Variants in CNTN4 observed in about 807,000 individuals in gnomAD.
CNTN4 encodes contactin-4.
Under a neutral mutation model 122.5 loss-of-function variants are expected in CNTN4, and 77 were observed. The ratio of observed to expected loss-of-function variants is 0.63; its 90% CI spans 0.52 to 0.76. CNTN4 has a LOEUF of 0.76. Ranked by LOEUF, CNTN4 falls within the 30% of genes least tolerant of loss-of-function variation. The pLI, the probability that CNTN4 is intolerant of heterozygous loss-of-function variation, is 0.00. For synonymous variants in CNTN4, 512 were observed against 447.0 expected (o/e 1.15, Z -1.83); for missense variants, 1,256 against 1,259.1 (o/e 1.00, Z 0.04).
rs866475334 is a variant in CNTN4 at position 2,638,074 on chromosome 3, A to G, written c.55+66516A>G. Among the ~76,000 whole-genome samples the G allele has an allele frequency of 3.3e-5, 5 of 152,236 alleles. No homozygotes were observed. The South Asian group carries it at 8.3e-4, about 25-fold the overall frequency. On this transcript the variant is annotated intron_variant, in intron 4 of 24. Transcript: ENST00000418658. ...GAGTTACATGTATAAACTGCCAACC[A>G]CAGTGGTGGAATTTATAGGAATTTA...
At chr3:2,952,081 A>G (rs922305470) in intron 13 of CNTN4, among the ~76,000 whole-genome samples, 3 of 152,256 alleles carry the variant, frequency 2.0e-5, no homozygotes, top group Non-Finnish European at 2.9e-5. Flanking sequence ...AATTCTGGTG[A>G]AAAGTTCTGC....
At chr3:2,195,269 C>T (rs1467261432) in intron 2 of CNTN4, among the ~76,000 whole-genome samples, 1 of 152,212 alleles carries the variant, frequency 6.6e-6, no homozygotes, top group African/African-American at 2.4e-5. Context: ...TTTTTCATGT[C>T]TGAATAGTAT....
At chr3:2,230,833 C>G (rs2039457344) in intron 2 of CNTN4, among the ~76,000 whole-genome samples, 1 of 151,768 alleles carries the variant, frequency 6.6e-6, no homozygotes, top group East Asian at 2.0e-4. Context: ...AAAAAAATAC[C>G]AAAATTGGCT....
intron 4 of CNTN4, among the ~76,000 whole-genome samples, chr3:2,620,655 A>T (rs1272399663): frequency 6.6e-6 from 1 of 152,118 alleles, no homozygotes; most frequent in Non-Finnish European, 1.5e-5. Context: ...ATGCTTTCTA[A>T]TTGCTTGGCT....
intron 7 of CNTN4, among the ~76,000 whole-genome samples, chr3:2,820,558 A>G (rs1197357026): frequency 6.6e-6 from 1 of 152,096 alleles, no homozygotes; most frequent in Non-Finnish European, 1.5e-5. Context: ...CCCATCCCCA[A>G]GAGTGGGGAA....
chr3:2,395,023 G>A (rs535577349), intron 3 of CNTN4, among the ~76,000 whole-genome samples: 2 of 152,194 alleles, frequency 1.3e-5, no homozygotes, highest in South Asian at 4.1e-4. Flanking sequence ...CTGGCCTCAA[G>A]TCATCTGCCT....
intron 24 of CNTN4, among the ~76,000 whole-genome samples, 162 bp from the exon 25 acceptor site, chr3:3,055,958 T>C (rs1437161610): frequency 6.6e-6 from 1 of 152,230 alleles, no homozygotes; most frequent in Non-Finnish European, 1.5e-5. Context: ...CCCAGGTTTG[T>C]AGCTTGGTAG....
intron 13 of CNTN4, among the ~76,000 whole-genome samples, chr3:2,959,277 CAA>C (rs1487773548): frequency 6.6e-6 from 1 of 152,068 alleles, no homozygotes; most frequent in Non-Finnish European, 1.5e-5. Context: ...TATTTAAAAA[CAA>C]AGAGTCAGAT....
In CNTN4 at chr3:2,916,873, G is replaced by A. The variant is rs555291364; in HGVS notation, c.1208-8756G>A. ...CAGCCAGGCAGAGGTGGCGCTAGAC[G>A]TCTAGGTGGCACTTCCTAGACGGGG... On this transcript the variant is annotated intron_variant, in intron 12 of 24. Transcript: ENST00000418658. Among the ~76,000 whole-genome samples the A allele has an allele frequency of 2.3e-4, 35 of 150,970 alleles. No homozygotes were observed. In the East Asian group the frequency reaches 5.9e-3, roughly 26 times the overall value.
At chr3:2,366,877 T>A (rs1252994352) in intron 3 of CNTN4, among the ~76,000 whole-genome samples, 1 of 152,098 alleles carries the variant, frequency 6.6e-6, no homozygotes. Flanking sequence ...ACATAACTTT[T>A]AAGAGCTAAA....
At chr3:2,524,638 T>C (rs557938130) in intron 3 of CNTN4, among the ~76,000 whole-genome samples, 1 of 152,248 alleles carries the variant, frequency 6.6e-6, no homozygotes, top group East Asian at 1.9e-4. Context: ...AAAGGAACTA[T>C]CCCTCTTATT....
At chr3:2,252,300 G>A (rs2040408621) in intron 2 of CNTN4, among the ~76,000 whole-genome samples, 1 of 151,918 alleles carries the variant, frequency 6.6e-6, no homozygotes, top group South Asian at 2.1e-4. Context: ...TGGATCTTCA[G>A]CAAAACATTA....
intron 6 of CNTN4, among the ~76,000 whole-genome samples, chr3:2,788,396 T>C (rs2091907014): frequency 1.3e-5 from 2 of 152,228 alleles, no homozygotes; most frequent in Admixed American, 6.5e-5. Context: ...TATTACTTCA[T>C]ACTATCATGA....
At chr3:2,738,598 TAA>T (rs2089278708) in intron 5 of CNTN4, among the ~76,000 whole-genome samples, 1 of 151,912 alleles carries the variant, frequency 6.6e-6, no homozygotes, top group Non-Finnish European at 1.5e-5. Flanking sequence ...CACAGAACAA[TAA>T]AAATAATAAA....
chr3:2,428,871 C>T (rs1559544561), intron 3 of CNTN4, among the ~76,000 whole-genome samples: 1 of 152,186 alleles, frequency 6.6e-6, no homozygotes, highest in Non-Finnish European at 1.5e-5. Flanking sequence ...GAATCGGCTA[C>T]TGAAGCTTAT....
chr3:2,170,405 G>C (rs2728523), intron 2 of CNTN4, among the ~76,000 whole-genome samples: 36,263 of 151,990 alleles, frequency 0.24, 4,556 homozygotes, highest in African/African-American at 0.32. Context: ...AGTAAACTTA[G>C]GAAACTTAGG....
intron 7 of CNTN4, among the ~76,000 whole-genome samples, chr3:2,822,319 G>C (rs1466384342): frequency 6.6e-6 from 1 of 152,154 alleles, no homozygotes; most frequent in East Asian, 1.9e-4. Flanking sequence ...CACTCTGCCT[G>C]TCTATAAAAT....
intron 12 of CNTN4, among the ~76,000 whole-genome samples, chr3:2,917,943 C>T (rs9842399): frequency 0.56 from 85,613 of 151,710 alleles, 24,192 homozygotes; most frequent in East Asian, 0.69. Context: ...TTGGCACCAA[C>T]AATATTCCAT....
chr3:2,771,808 A>T (rs1460298667), intron 6 of CNTN4, among the ~76,000 whole-genome samples: 1 of 152,200 alleles, frequency 6.6e-6, no homozygotes, highest in East Asian at 1.9e-4. Flanking sequence ...ACAGTATGTA[A>T]TGAAAACATG....
Sources: allele counts gnomAD v4.1 joint callset (sites outside exome capture counted in the v4.1 genomes callset), GRCh38; gene constraint gnomAD v4.1.1; transcripts MANE v1.5; gene names NCBI Gene and HGNC (gene_info 2026-07-23, HGNC 2026-07-21).